Variants in TESK2 observed in about 807,000 individuals in gnomAD.
TESK2 encodes dual specificity testis-specific protein kinase 2.
A neutral mutation model predicts 57.1 loss-of-function variants in TESK2; 39 were observed. The observed-to-expected ratio is 0.68, with a 90% CI of 0.53 to 0.89. TESK2 has a LOEUF of 0.89. TESK2 is among the 40% of genes least tolerant of loss of function. The pLI is 0.00. For missense variants in TESK2, 646 were observed against 732.1 expected, an observed-to-expected ratio of 0.88 and a Z score of 1.36; for synonymous variants, 249 against 267.9, an observed-to-expected ratio of 0.93 and a Z score of 0.69.
At chr1:45,399,085 A>C in intron 3 of TESK2, 1 of 356,368 alleles carries the variant, frequency 2.8e-6, no homozygotes, top group Non-Finnish European at 5.4e-6. Context: ...CACTTAAAAC[A>C]TTGCCTTGTT....
chr1:45,390,025 T>A (rs1306832316), intron 3 of TESK2, among the ~76,000 whole-genome samples: 1 of 152,200 alleles, frequency 6.6e-6, no homozygotes, highest in African/African-American at 2.4e-5. Context: ...CACTCCAACT[T>A]ATCTTTGAAA....
intron 2 of TESK2, among the ~76,000 whole-genome samples, chr1:45,425,078 A>G (rs1650632583): frequency 6.6e-6 from 1 of 152,230 alleles, no homozygotes; most frequent in Admixed American, 6.5e-5. Context: ...GACAAGAGAA[A>G]GAAATAAAGG....
rs2149311642 is a variant in TESK2, at chr1:45,491,088, G to C, written c.-323C>G. On this transcript the variant is annotated 5_prime_UTR_variant, in exon 1 of 11. Coordinates refer to ENST00000372086, the MANE Select transcript of TESK2 (RefSeq NM_007170.3). ...GGGCCGCTCCCCCCGCCTGTTTGGCGGGGCCAGGAGGACGATCCGACCAGC... is the reference window on the plus strand; with the variant it reads ...GGGCCGCTCCCCCCGCCTGTTTGGCCGGGCCAGGAGGACGATCCGACCAGC... 1 of 152,350 alleles carries C rather than the reference G, an allele frequency of 6.6e-6. No homozygotes were observed. The highest frequency in any genetic ancestry group is 2.1e-4 in the South Asian group (1 of 4,826). The allele number at this position is 152,350 out of a possible 1,614,324, so 9.4% of individuals were successfully genotyped here. A position where few individuals can be genotyped will look rare whatever the true frequency, so the allele number is the denominator to read the frequency against.
At chr1:45,453,077 T>A (rs1249169362) in intron 2 of TESK2, among the ~76,000 whole-genome samples, 4 of 151,250 alleles carry the variant, frequency 2.6e-5, no homozygotes, top group Non-Finnish European at 5.9e-5. Context: ...CTGGACATGG[T>A]GGTGCACACC....
chr1:45,358,312 C>CAA (rs370201136), intron 4 of TESK2, among the ~76,000 whole-genome samples: 2 of 128,274 alleles, frequency 1.6e-5, no homozygotes, highest in Non-Finnish European at 3.4e-5. Flanking sequence ...GACTCCATCT[C>CAA]AAAAAAAAAA....
intron 2 of TESK2, among the ~76,000 whole-genome samples, chr1:45,451,022 C>T (rs1651848861): frequency 1.3e-5 from 2 of 152,116 alleles, no homozygotes; most frequent in Admixed American, 1.3e-4. Context: ...GGAGAAAATA[C>T]TTGCAACATA....
At chr1:45,469,942 A>T (rs577951253) in intron 1 of TESK2, among the ~76,000 whole-genome samples, 62 of 152,334 alleles carry the variant, frequency 4.1e-4, no homozygotes, top group Non-Finnish European at 6.8e-4. Flanking sequence ...ATCTACCAAC[A>T]GGTAGCTGGA....
At chr1:45,421,219 A>G (rs947112) in intron 3 of TESK2, among the ~76,000 whole-genome samples, 18,368 of 152,080 alleles carry the variant, frequency 0.12, 1,314 homozygotes, top group Non-Finnish European at 0.17. Flanking sequence ...TCATGCCACT[A>G]TACTCCAGCC....
chr1:45,344,773 G>T lies in TESK2; in HGVS notation c.*67C>A, dbSNP rs1647113365. The T allele has an allele frequency of 1.4e-6, 2 of 1,419,048 alleles. No individual in the cohort carries two copies. Among genetic ancestry groups the T allele is most frequent in the South Asian group, 2.6e-5 (2 of 76,524 alleles). The allele number at this position is 1,419,048 out of a possible 1,614,324, so 87.9% of individuals were successfully genotyped here. ...GGCTCCAGGGAAGAATCAAGGCTGTGCACCTAGGGGGCCATATGGTTTCAG... is the reference window on the plus strand; with the variant it reads ...GGCTCCAGGGAAGAATCAAGGCTGTTCACCTAGGGGGCCATATGGTTTCAG... On this transcript the variant is annotated 3_prime_UTR_variant, in exon 11 of 11. Transcript: ENST00000372086.
At chr1:45,346,946 T>C in intron 8 of TESK2, 33 bp downstream of exon 8, 1 of 1,606,708 alleles carries the variant, frequency 6.2e-7, no homozygotes, top group Non-Finnish European at 8.5e-7. Context: ...ACTAGCCCCA[T>C]CAGTGGCAAT....
chr1:45,448,675 C>T (rs1246457326), intron 2 of TESK2, among the ~76,000 whole-genome samples: 5 of 152,166 alleles, frequency 3.3e-5, no homozygotes, highest in African/African-American at 1.2e-4. Context: ...GGTACTAAAC[C>T]ATTCATGAGG....
chr1:45,469,494 A>G (rs1443612951), intron 1 of TESK2, among the ~76,000 whole-genome samples: 1 of 152,206 alleles, frequency 6.6e-6, no homozygotes, highest in African/African-American at 2.4e-5. Flanking sequence ...AACTAGTGAG[A>G]CTCAGGATTC....
chr1:45,466,335 C>T (rs921591005), intron 1 of TESK2, among the ~76,000 whole-genome samples: 11 of 152,124 alleles, frequency 7.2e-5, no homozygotes, highest in African/African-American at 1.9e-4. Context: ...AATATCTGGG[C>T]GTGGTGGTGT....
intron 4 of TESK2, among the ~76,000 whole-genome samples, chr1:45,361,100 G>A (rs1267866898): frequency 6.6e-6 from 1 of 152,206 alleles, no homozygotes; most frequent in African/African-American, 2.4e-5. Context: ...TTACAGGCGT[G>A]AGCTACCGCA....
At chr1:45,454,952 T>TA (rs1050194654) in intron 2 of TESK2, among the ~76,000 whole-genome samples, 10 of 152,244 alleles carry the variant, frequency 6.6e-5, no homozygotes, top group African/African-American at 2.2e-4. Context: ...AGCAAATTCA[T>TA]AAAAACAGCA....
chr1:45,398,805 G>A, intron 3 of TESK2: 1 of 361,414 alleles, frequency 2.8e-6, no homozygotes. Context: ...TGGTATATGG[G>A]CAGAAGTGAT....
intron 4 of TESK2, 102 bp downstream of exon 4, chr1:45,385,810 T>C (rs987395284): frequency 1.4e-6 from 1 of 725,098 alleles, no homozygotes; most frequent in Non-Finnish European, 2.2e-6. Flanking sequence ...TAAACATAAA[T>C]GCACATACAT....
chr1:45,345,792 G>C, intron 10 of TESK2, 85 bp downstream of exon 10: 1 of 1,149,832 alleles, frequency 8.7e-7, no homozygotes, highest in Non-Finnish European at 1.3e-6. Flanking sequence ...TGGGATCCTG[G>C]CAATCACAAC....
chr1:45,436,552 C>G (rs1039874852), intron 2 of TESK2, among the ~76,000 whole-genome samples: 10 of 129,962 alleles, frequency 7.7e-5, no homozygotes, highest in Non-Finnish European at 1.6e-4. Context: ...TGCAATGGCC[C>G]GATCTTGGCT....
Sources: allele counts gnomAD v4.1 joint callset (sites outside exome capture counted in the v4.1 genomes callset), GRCh38; gene constraint gnomAD v4.1.1; transcripts MANE v1.5; gene names NCBI Gene and HGNC (gene_info 2026-07-23, HGNC 2026-07-21).